The following VPS53 variants were observed in gnomAD, a reference collection of about 807,000 sequenced individuals.
The protein encoded by VPS53 is vacuolar protein sorting-associated protein 53 homolog.
A neutral mutation model predicts 107.0 loss-of-function variants in VPS53; 70 were observed. The observed-to-expected ratio is 0.65, with a 90% CI of 0.54 to 0.80. The LOEUF (loss-of-function observed/expected upper bound fraction) is 0.80. VPS53 is among the 30% of genes least tolerant of loss of function. The pLI, the probability that VPS53 is intolerant of heterozygous loss-of-function variation, is 0.00. For missense variants in VPS53, 917 were observed against 1,049.4 expected (o/e 0.87, Z 1.74); for synonymous variants, 409 against 393.3 (o/e 1.04, Z -0.47).
intron 13 of VPS53, among the ~76,000 whole-genome samples, chr17:571,787 C>T (rs1286489680): frequency 2.0e-5 from 3 of 152,360 alleles, no homozygotes; most frequent in Admixed American, 6.5e-5. Flanking sequence ...GCGAGTGATC[C>T]GCCAGCCTCG....
chr17:697,945 TCTACGG>T (rs1043615550), intron 3 of VPS53, among the ~76,000 whole-genome samples: 131 of 152,314 alleles, frequency 8.6e-4, no homozygotes, highest in African/African-American at 2.7e-3. Context: ...CTGAGGCAGA[TCTACGG>T]CTTCCAGCTC....
At chr17:532,958 G>T in intron 18 of VPS53, 47 bp from the exon 19 acceptor site, 2 of 1,588,698 alleles carry the variant, frequency 1.3e-6, no homozygotes, top group Non-Finnish European at 1.7e-6. Flanking sequence ...CTCTCTTGAG[G>T]AAAGAAATGC....
In VPS53 at chr17:510,982, A is replaced by C. The variant is rs201876846; in HGVS notation, c.*8146T>G. 3 of 152,198 alleles carry C rather than the reference A, an allele frequency of 2.0e-5. No homozygotes were observed. The East Asian group carries it at 5.8e-4, about 29-fold the overall frequency. The allele number at this position is 152,198 out of a possible 1,614,324, so 9.4% of individuals were successfully genotyped here. On this transcript the variant is annotated 3_prime_UTR_variant, in exon 22 of 22. Coordinates refer to ENST00000437048, the MANE Select transcript of VPS53 (RefSeq NM_001128159.3). ...GCATTTGATATTCGGTGTGGGTATG[A>C]GGTTGTGGGGGGCTCTGTGTGTAAA...
At chr17:602,782 C>G (rs1028551684) in intron 11 of VPS53, among the ~76,000 whole-genome samples, 2 of 152,224 alleles carry the variant, frequency 1.3e-5, no homozygotes, top group African/African-American at 4.8e-5. Flanking sequence ...AATTCCAGTA[C>G]AACTACAGAA....
chr17:546,403 A>T (rs1383000682), intron 17 of VPS53, among the ~76,000 whole-genome samples: 3 of 151,676 alleles, frequency 2.0e-5, no homozygotes, highest in Non-Finnish European at 4.4e-5. Context: ...AAAATCAAGG[A>T]CATTATCAAG....
intron 4 of VPS53, among the ~76,000 whole-genome samples, chr17:692,522 T>C (rs1467591351): frequency 1.3e-5 from 2 of 152,216 alleles, no homozygotes; most frequent in Non-Finnish European, 2.9e-5. Context: ...ACCAAGCGGC[T>C]GGTATTTCAG....
At chr17:615,258 A>T (rs1399018687) in intron 11 of VPS53, among the ~76,000 whole-genome samples, 1 of 152,232 alleles carries the variant, frequency 6.6e-6, no homozygotes, top group Non-Finnish European at 1.5e-5. Flanking sequence ...GAAACTGGTT[A>T]AGCAACAAGC....
chr17:703,133 T>C (rs888061962), intron 2 of VPS53, among the ~76,000 whole-genome samples: 1 of 151,860 alleles, frequency 6.6e-6, no homozygotes, highest in South Asian at 2.1e-4. Flanking sequence ...CGCTTGAGCC[T>C]GGGAGGCAGA....
At chr17:613,105 TAC>T (rs1413976275) in intron 11 of VPS53, among the ~76,000 whole-genome samples, 2 of 146,734 alleles carry the variant, frequency 1.4e-5, no homozygotes, top group African/African-American at 5.0e-5. Flanking sequence ...TGAAAACCTG[TAC>T]AGATATTCAC....
intron 13 of VPS53, among the ~76,000 whole-genome samples, chr17:567,298 T>C (rs1913614475): frequency 6.6e-6 from 1 of 152,216 alleles, no homozygotes; most frequent in African/African-American, 2.4e-5. Flanking sequence ...TCTGACATTG[T>C]TCTTTCAAGT....
chr17:597,813 G>A (rs1011077756), intron 12 of VPS53, among the ~76,000 whole-genome samples: 3 of 151,314 alleles, frequency 2.0e-5, no homozygotes, highest in Admixed American at 6.6e-5. Flanking sequence ...CAGGTGATCG[G>A]CCTGCCTCAG....
intron 4 of VPS53, among the ~76,000 whole-genome samples, chr17:682,872 G>T (rs956908569): frequency 6.6e-6 from 1 of 152,120 alleles, no homozygotes; most frequent in African/African-American, 2.4e-5. Flanking sequence ...ACAGAGGAGG[G>T]GATTTTAAAA....
rs113659339 is a variant in VPS53, at chr17:552,899, C to T, written c.1787+481G>A. The T allele has an allele frequency of 4.2e-3, 1,704 of 410,362 alleles. 22 individuals are homozygous for T. Among genetic ancestry groups the T allele is most frequent in the African/African-American group, 0.031 (1,497 of 48,374 alleles). The allele number at this position is 410,362 out of a possible 1,614,324, so 25.4% of individuals were successfully genotyped here. ...TGTGTAGTGGAGAAAGGGCAGGCAG[C>T]GAGCAAGTGTGTACAAGGTATATAC... On this transcript the variant is annotated intron_variant, in intron 16 of 21. Coordinates refer to ENST00000437048, the MANE Select transcript of VPS53 (RefSeq NM_001128159.3).
chr17:528,680 T>C (rs563487762), intron 19 of VPS53, among the ~76,000 whole-genome samples: 2 of 148,772 alleles, frequency 1.3e-5, no homozygotes, highest in South Asian at 4.3e-4. Flanking sequence ...CTCACTGCAA[T>C]CTCTGCCTCC....
intron 4 of VPS53, among the ~76,000 whole-genome samples, chr17:672,243 T>C (rs564654979): frequency 2.6e-4 from 39 of 151,566 alleles, no homozygotes; most frequent in African/African-American, 9.4e-4. Flanking sequence ...GCTTCAGCTG[T>C]TTGACAAGCC....
rs749573286 is a variant in VPS53 at position 653,429 on chromosome 17, T to C, written c.489-19A>G. The stretch of plus-strand genomic sequence containing the variant: ...CATGGCTCTGCAAGGAAAGAATAAG[T>C]TTAAAAGTCTAGAAAAACACTAAAG... On this transcript the variant is annotated intron_variant, in intron 6 of 21. Coordinates refer to ENST00000437048, the MANE Select transcript of VPS53 (RefSeq NM_001128159.3). 4.3e-6 allele frequency: 7 copies of C among 1,613,998 alleles called. No individual in the cohort carries two copies. The highest frequency in any genetic ancestry group is 5.9e-6 in the Non-Finnish European group (7 of 1,179,924).
intron 13 of VPS53, among the ~76,000 whole-genome samples, chr17:585,730 G>C (rs1015959393): frequency 6.6e-6 from 1 of 152,168 alleles, no homozygotes; most frequent in Non-Finnish European, 1.5e-5. Flanking sequence ...ACAACGAAAT[G>C]CATGATTATT....
intron 4 of VPS53, among the ~76,000 whole-genome samples, chr17:694,210 A>G (rs1218592911): frequency 6.6e-6 from 1 of 152,230 alleles, no homozygotes; most frequent in East Asian, 1.9e-4. Context: ...ACAAAGTTCC[A>G]TCACAGATTG....
chr17:606,541 C>T (rs1174683429), intron 11 of VPS53, among the ~76,000 whole-genome samples: 2 of 152,092 alleles, frequency 1.3e-5, no homozygotes, highest in Non-Finnish European at 2.9e-5. Context: ...ACCACATCAC[C>T]ATGTTTCCAT....
Sources: gnomAD v4.1 joint callset for allele counts (sites outside exome capture counted in the v4.1 genomes callset) on GRCh38, gnomAD v4.1.1 for gene constraint, MANE v1.5 for transcripts, NCBI Gene and HGNC (gene_info 2026-07-23, HGNC 2026-07-21) for gene names.